The following POLA1 variants were observed in gnomAD, a reference collection of about 807,000 sequenced individuals.
POLA1 encodes the protein DNA polymerase alpha 1, catalytic subunit, also known as DNA polymerase alpha catalytic subunit.
In POLA1, 15 loss-of-function variants were observed where a neutral mutation model predicts 124.0. The ratio of observed to expected loss-of-function variants is 0.12; its 90% CI spans 0.08 to 0.19. The LOEUF is 0.19. Among genes scored for constraint, POLA1 ranks in the 10% least tolerant of loss-of-function variants. POLA1 has a pLI of 1.00. For synonymous variants in POLA1, 408 were observed against 389.4 expected (o/e 1.05, Z -0.56); for missense variants, 886 against 1,103.4 (o/e 0.80, Z 2.79).
chrX:24,760,108 ATAAGGTT>A (rs1446852483), intron 26 of POLA1, among the ~76,000 whole-genome samples: 1 of 112,332 alleles, frequency 8.9e-6, no homozygotes, highest in East Asian at 2.8e-4. Context: ...AGAAATCGGT[ATAAGGTT>A]TAATTGTCTG....
chrX:24,973,452 A>G (rs2048328481), intron 36 of POLA1, among the ~76,000 whole-genome samples: 1 of 111,985 alleles, frequency 8.9e-6, no homozygotes, highest in African/African-American at 3.2e-5. Context: ...GTTTGTGCCT[A>G]GGCCTGAACC....
intron 23 of POLA1, chrX:24,744,553 G>A (rs767470981): frequency 1.1e-5 from 4 of 351,086 alleles, no homozygotes; most frequent in South Asian, 2.6e-5. Flanking sequence ...AGGGTGGGTC[G>A]TTCCACTACT....
At chrX:24,952,364 A>G (rs1042145725) in intron 36 of POLA1, among the ~76,000 whole-genome samples, 3 of 112,106 alleles carry the variant, frequency 2.7e-5, no homozygotes, top group African/African-American at 6.5e-5. Context: ...TTAGTAGCAC[A>G]AAGAAGGCTG....
intron 35 of POLA1, among the ~76,000 whole-genome samples, chrX:24,906,678 A>AT (rs747822229): frequency 1.6e-4 from 18 of 110,184 alleles, no homozygotes; most frequent in East Asian, 5.7e-4. Context: ...TATTGAAATA[A>AT]TTTTTTTTTA....
intron 36 of POLA1, among the ~76,000 whole-genome samples, chrX:24,963,146 A>T: frequency 8.9e-6 from 1 of 112,170 alleles, no homozygotes; most frequent in Middle Eastern, 4.6e-3. Context: ...CCTGATTAAT[A>T]ACAAACATTA....
intron 26 of POLA1, among the ~76,000 whole-genome samples, chrX:24,781,301 G>A (rs375925360): frequency 1.7e-4 from 19 of 111,146 alleles, no homozygotes; most frequent in African/African-American, 5.6e-4. Context: ...CAAGTTTTTC[G>A]TTGTGCTCCA....
chrX:24,751,229 G>A (rs1488787206), intron 26 of POLA1, among the ~76,000 whole-genome samples: 4 of 111,512 alleles, frequency 3.6e-5, no homozygotes, highest in African/African-American at 9.8e-5. Context: ...AAATCCACAA[G>A]CTTAAAAGGG....
intron 26 of POLA1, among the ~76,000 whole-genome samples, chrX:24,765,786 G>C (rs1165086295): frequency 8.9e-6 from 1 of 112,102 alleles, no homozygotes; most frequent in Non-Finnish European, 1.9e-5. Context: ...CAGATTTTAA[G>C]TAAAAGAGAG....
chrX:24,796,098 G>T (rs1262676058), intron 26 of POLA1, among the ~76,000 whole-genome samples: 1 of 110,785 alleles, frequency 9.0e-6, no homozygotes, highest in Non-Finnish European at 1.9e-5. Flanking sequence ...CAGAAGAGAG[G>T]CAGTGAAAAG....
intron 35 of POLA1, among the ~76,000 whole-genome samples, chrX:24,924,312 T>C (rs192371880): frequency 9.0e-6 from 1 of 111,589 alleles, no homozygotes; most frequent in East Asian, 2.8e-4. Flanking sequence ...GATGGAGAAA[T>C]TGAGGTGTGA....
intron 26 of POLA1, among the ~76,000 whole-genome samples, chrX:24,794,855 C>T (rs751547177): frequency 2.7e-5 from 3 of 109,382 alleles, no homozygotes; most frequent in East Asian, 5.7e-4. Flanking sequence ...AGGGTGTCTT[C>T]GGCTTGCATT....
intron 32 of POLA1, among the ~76,000 whole-genome samples, chrX:24,836,412 T>C (rs1192948612): frequency 8.9e-6 from 1 of 111,921 alleles, no homozygotes; most frequent in East Asian, 2.8e-4. Flanking sequence ...CAGGGACATG[T>C]ATGTTTACTT....
At chrX:24,949,506 T>C (rs189015432) in intron 36 of POLA1, among the ~76,000 whole-genome samples, 19 of 107,664 alleles carry the variant, frequency 1.8e-4, no homozygotes, top group Non-Finnish European at 3.3e-4. Flanking sequence ...CTAAAAAATA[T>C]CTTGAGGCAT....
chrX:24,821,647 C>T (rs2046090352), intron 31 of POLA1, 64 bp downstream of exon 31: 2 of 880,322 alleles, frequency 2.3e-6, no homozygotes, highest in Admixed American at 5.0e-5. Flanking sequence ...ATCCAAATTA[C>T]CACAGTGTCT....
intron 29 of POLA1, 114 bp from the exon 30 acceptor site, chrX:24,814,865 A>G: frequency 1.4e-6 from 1 of 709,062 alleles, no homozygotes; most frequent in East Asian, 3.6e-5. Context: ...ACTGTAGCTA[A>G]TGTTAACCAC....
chrX:24,924,982 A>G (rs752215202), intron 35 of POLA1, among the ~76,000 whole-genome samples: 1 of 111,639 alleles, frequency 9.0e-6, no homozygotes, highest in Admixed American at 9.5e-5. Flanking sequence ...AGCAAAGACT[A>G]TCCTAAGCTG....
At chrX:24,716,330 T>C in intron 6 of POLA1, 32 bp from the exon 7 acceptor site, 3 of 743,218 alleles carry the variant, frequency 4.0e-6, no homozygotes, top group Non-Finnish European at 6.4e-6. Flanking sequence ...AAACCAAGCA[T>C]GGCAGTGAAT....
chrX:24,776,589 T>C (rs1051857807), intron 26 of POLA1, among the ~76,000 whole-genome samples: 1 of 112,338 alleles, frequency 8.9e-6, no homozygotes, highest in Non-Finnish European at 1.9e-5. Context: ...TTGCTATTGA[T>C]GACTGTCAAA....
At chrX:24,699,390 G>A in intron 1 of POLA1, 35 bp from the exon 2 acceptor site, 1 of 1,104,768 alleles carries the variant, frequency 9.1e-7, no homozygotes, top group African/African-American at 1.8e-5. Context: ...TGACAATTTT[G>A]TAACATCTGT....
Sources: allele counts gnomAD v4.1 joint callset (sites outside exome capture counted in the v4.1 genomes callset), GRCh38; gene constraint gnomAD v4.1.1; transcripts MANE v1.5; gene names NCBI Gene and HGNC (gene_info 2026-07-23, HGNC 2026-07-21).